TAFA4: variants seen among roughly 807,000 people sequenced by gnomAD.
TAFA4 encodes TAFA chemokine like family member 4, also known as chemokine-like protein TAFA-4.
In TAFA4, 20 loss-of-function variants were observed where a neutral mutation model predicts 21.1. The ratio of observed to expected loss-of-function variants is 0.95; its 90% CI spans 0.67 to 1.38. The LOEUF (loss-of-function observed/expected upper bound fraction) is 1.38, where lower values mean the gene tolerates loss of function less well. Ranked by LOEUF, TAFA4 falls within the 40% of genes most tolerant of loss-of-function variation. TAFA4 has a pLI of 0.00. For missense variants in TAFA4, 211 were observed against 180.9 expected (o/e 1.17, Z -0.95); for synonymous variants, 71 against 67.4 (o/e 1.05, Z -0.26).
intron 3 of TAFA4, among the ~76,000 whole-genome samples, chr3:68,814,779 C>A (rs1292167643): frequency 2.0e-4 from 30 of 152,176 alleles, no homozygotes; most frequent in Admixed American, 1.8e-3. Flanking sequence ...CATCAAGCTA[C>A]CAATGACTTT....
chr3:68,751,302 A>C (rs112277750), intron 4 of TAFA4, among the ~76,000 whole-genome samples: 2,576 of 152,222 alleles, frequency 0.017, 77 homozygotes, highest in African/African-American at 0.058. Context: ...GGAGTGACAT[A>C]ATCCATTCTG....
intron 3 of TAFA4, among the ~76,000 whole-genome samples, chr3:68,791,632 A>C (rs1703362446): frequency 6.6e-6 from 1 of 152,240 alleles, no homozygotes; most frequent in African/African-American, 2.4e-5. Flanking sequence ...AAAGAAAATA[A>C]GAAAATAAAT....
intron 3 of TAFA4, among the ~76,000 whole-genome samples, chr3:68,828,392 A>G (rs1206786318): frequency 6.6e-6 from 1 of 152,164 alleles, no homozygotes; most frequent in Non-Finnish European, 1.5e-5. Flanking sequence ...ACTTTAAAGT[A>G]GTTTTTTCCA....
intron 3 of TAFA4, among the ~76,000 whole-genome samples, chr3:68,832,844 A>G (rs1053196511): frequency 1.3e-5 from 2 of 152,224 alleles, no homozygotes; most frequent in African/African-American, 2.4e-5. Flanking sequence ...GGCTCTGCCC[A>G]GTTCAAGCTT....
intron 3 of TAFA4, among the ~76,000 whole-genome samples, chr3:68,814,646 G>A (rs1276225329): frequency 6.6e-6 from 1 of 152,110 alleles, no homozygotes; most frequent in African/African-American, 2.4e-5. Context: ...ACAAACCACT[G>A]CTCAATGAAA....
Position 68,856,405 on chromosome 3 carries a change from A to G in TAFA4, c.130+24325T>C, listed in dbSNP as rs550230638. ...AATGGCACAAAAGTGTAAGATAGGC[A>G]CCACAGTTGCTTATACAACATTACT... On this transcript the variant is annotated intron_variant, in intron 3 of 5. Coordinates refer to ENST00000295569, the MANE Select transcript of TAFA4 (RefSeq NM_182522.5). Among the ~76,000 whole-genome samples, 13 of 152,290 alleles carry G rather than the reference A, an allele frequency of 8.5e-5. No homozygotes were observed. In the South Asian group the frequency reaches 2.3e-3, roughly 27 times the overall value.
chr3:68,909,993 G>C (rs2089944495), intron 1 of TAFA4, among the ~76,000 whole-genome samples: 2 of 152,162 alleles, frequency 1.3e-5, no homozygotes, highest in South Asian at 2.1e-4. Context: ...GTAGGACTGA[G>C]AGCTTCAGGG....
At chr3:68,838,267 C>G (rs1392108338) in intron 3 of TAFA4, among the ~76,000 whole-genome samples, 1 of 152,116 alleles carries the variant, frequency 6.6e-6, no homozygotes, top group Non-Finnish European at 1.5e-5. Flanking sequence ...ATTCATGGTG[C>G]CTCCATGGCT....
intron 3 of TAFA4, among the ~76,000 whole-genome samples, chr3:68,795,254 T>C (rs1010359526): frequency 6.6e-6 from 1 of 150,678 alleles, no homozygotes. Context: ...GCATTCTAGA[T>C]GGAGACAGCT....
intron 1 of TAFA4, among the ~76,000 whole-genome samples, chr3:68,925,798 C>T (rs1344668535): frequency 6.6e-6 from 1 of 152,188 alleles, no homozygotes; most frequent in Admixed American, 6.5e-5. Context: ...ATGATCACCA[C>T]AACGTAGGAG....
At chr3:68,881,116 ACCCTAATAGAG>A (rs2089612623) in intron 2 of TAFA4, among the ~76,000 whole-genome samples, 1 of 152,236 alleles carries the variant, frequency 6.6e-6, no homozygotes, top group Non-Finnish European at 1.5e-5. Context: ...TGCCTGAGTT[ACCCTAATAGAG>A]CATGGGGATT....
chr3:68,927,531 C>T (rs570448441), intron 1 of TAFA4, among the ~76,000 whole-genome samples: 1 of 152,188 alleles, frequency 6.6e-6, no homozygotes, highest in African/African-American at 2.4e-5. Flanking sequence ...GCAAAGCCAA[C>T]AGAGTAGTTT....
intron 1 of TAFA4, among the ~76,000 whole-genome samples, chr3:68,905,361 G>A (rs150724322): frequency 0.013 from 2,034 of 151,894 alleles, 42 homozygotes; most frequent in African/African-American, 0.046. Context: ...GTAGAGATGG[G>A]GTTTCACCAC....
At chr3:68,800,691 C>G (rs895941621) in intron 3 of TAFA4, among the ~76,000 whole-genome samples, 1 of 152,190 alleles carries the variant, frequency 6.6e-6, no homozygotes, top group Non-Finnish European at 1.5e-5. Context: ...GGGACTGGCA[C>G]CAGAATGGGG....
intron 3 of TAFA4, among the ~76,000 whole-genome samples, chr3:68,791,598 T>C (rs1347762638): frequency 6.6e-6 from 1 of 152,212 alleles, no homozygotes; most frequent in Admixed American, 6.5e-5. Context: ...TATTTCTCTT[T>C]ATAACGTATC....
chr3:68,810,337 A>G (rs1703806504), intron 3 of TAFA4, among the ~76,000 whole-genome samples: 1 of 152,110 alleles, frequency 6.6e-6, no homozygotes, highest in South Asian at 2.1e-4. Flanking sequence ...AAGACAGTGG[A>G]TGCAGCGCAC....
intron 3 of TAFA4, among the ~76,000 whole-genome samples, chr3:68,827,697 T>C (rs1157205879): frequency 1.4e-4 from 21 of 152,248 alleles, no homozygotes; most frequent in Admixed American, 1.4e-3. Flanking sequence ...TTGAAAAGTG[T>C]CTGTTCATAT....
intron 3 of TAFA4, among the ~76,000 whole-genome samples, chr3:68,786,614 G>A (rs549215886): frequency 1.2e-4 from 19 of 152,278 alleles, no homozygotes; most frequent in Non-Finnish European, 2.1e-4. Context: ...TCTTAATAAT[G>A]TACTGTATCT....
At chr3:68,833,326 G>T (rs1376102658) in intron 3 of TAFA4, among the ~76,000 whole-genome samples, 2 of 152,204 alleles carry the variant, frequency 1.3e-5, no homozygotes, top group Non-Finnish European at 2.9e-5. Context: ...CATCTCGGAA[G>T]CGACTATAAT....
Sources: allele counts gnomAD v4.1 joint callset (sites outside exome capture counted in the v4.1 genomes callset), GRCh38; gene constraint gnomAD v4.1.1; transcripts MANE v1.5; gene names NCBI Gene and HGNC (gene_info 2026-07-23, HGNC 2026-07-21).